Variants in MYO7A observed in about 807,000 individuals in gnomAD.
MYO7A encodes the protein unconventional myosin-VIIa.
MYO7A carries 210 observed loss-of-function variants against 263.8 expected under a neutral mutation model. The ratio of observed to expected loss-of-function variants is 0.80; its 90% CI spans 0.71 to 0.89. The LOEUF (loss-of-function observed/expected upper bound fraction) is 0.89, where lower values mean the gene tolerates loss of function less well. Ranked by LOEUF, MYO7A falls within the 40% of genes least tolerant of loss-of-function variation. The pLI, the probability that MYO7A is intolerant of heterozygous loss-of-function variation, is 0.00. For synonymous variants in MYO7A, 1,239 were observed against 1,197.3 expected, an observed-to-expected ratio of 1.03 and a Z score of -0.72; for missense variants, 2,820 against 2,968.3, an observed-to-expected ratio of 0.95 and a Z score of 1.16.
rs1952840557 is a variant in MYO7A at position 77,160,062 on chromosome 11, G to A, written c.1081-101G>A. The A allele has an allele frequency of 3.4e-6, 5 of 1,466,170 alleles. No homozygotes were observed. The South Asian group carries it at 6.8e-5, about 20-fold the overall frequency. The allele number at this position is 1,466,170 out of a possible 1,614,324, so 90.8% of individuals were successfully genotyped here. On this transcript the variant is annotated intron_variant, in intron 10 of 48. Transcript: ENST00000409709. ...GGGGCAGGCGTGCTTAGTGGAGGCAGTGGTCTGGGCCAGGCCAGTGCCGGA... is the reference window on the plus strand; with the variant it reads ...GGGGCAGGCGTGCTTAGTGGAGGCAATGGTCTGGGCCAGGCCAGTGCCGGA...
At position 77,181,451 on chromosome 11, in the gene MYO7A, G is replaced by A. The variant is rs782630041; in HGVS notation, c.2766G>A (p.Lys922=). ...ELKEKEAARR[K]KELLEQMERA... Reference sequence around the variant, plus strand: ...AGGAGAAGGAGGCCGCTCGGCGGAAGAAGGAGCTCCTGGAGCAGATGGAAA... The same window carrying A: ...AGGAGAAGGAGGCCGCTCGGCGGAAAAAGGAGCTCCTGGAGCAGATGGAAA... Residue 922 remains lysine, a synonymous_variant, in exon 23 of 49, where the codon AAG becomes AAA. Coordinates refer to ENST00000409709, the MANE Select transcript of MYO7A (RefSeq NM_000260.4). 2.5e-6 allele frequency: 4 copies of A among 1,609,026 alleles called. No homozygotes were observed. The highest frequency in any genetic ancestry group is 3.4e-6 in the Non-Finnish European group (4 of 1,178,216).
In MYO7A at chr11:77,189,079, C is replaced by T. The variant is rs77306777; in HGVS notation, c.3504-265C>T. Reference sequence around the variant, plus strand: ...CGGCTGCTGAGCCCAGAGCAGGATACGCACCACCCTGGATGGTGGGGCCCT... The same window carrying T: ...CGGCTGCTGAGCCCAGAGCAGGATATGCACCACCCTGGATGGTGGGGCCCT... On this transcript the variant is annotated intron_variant, in intron 27 of 48. Coordinates refer to ENST00000409709, the MANE Select transcript of MYO7A (RefSeq NM_000260.4). 6.4e-3 allele frequency among the ~76,000 whole-genome samples: 976 copies of T among 152,284 alleles called. 13 individuals carry two copies. The highest frequency in any genetic ancestry group is 0.021 in the African/African-American group (890 of 41,562).
At position 77,190,784 on chromosome 11, in the gene MYO7A, G is replaced by C. The variant is rs1259063378; in HGVS notation, c.3838G>C (p.Ala1280Pro). 2 of 1,596,522 alleles carry C rather than the reference G, an allele frequency of 1.3e-6. No individual in the cohort carries two copies. Among genetic ancestry groups the C allele is most frequent in the African/African-American group, 2.7e-5 (2 of 74,414 alleles). Residue 1280 changes from alanine to proline, a missense_variant, in exon 30 of 49, where the codon GCC becomes CCC. Ala to Pro is a conservative substitution (Grantham distance 27). Coordinates refer to ENST00000409709, the MANE Select transcript of MYO7A (RefSeq NM_000260.4). The stretch of plus-strand genomic sequence containing the variant: ...CCTGCTGACGGACTCGGCAACCACG[G>C]CCAAGGAGCTCTGCAACGCGCTGGC... Reference protein sequence around the residue: ...KTLLTDSATTAKELCNALADK... With the variant: ...KTLLTDSATTPKELCNALADK...
rs1555063195 is a variant in MYO7A at position 77,156,989 on chromosome 11, A to G, written c.720A>G (p.Ser240=). The change falls in exon 7 of 49, where the codon TCA becomes TCG. Residue 240 remains serine (S), a synonymous_variant. Transcript: ENST00000409709. ...AKIEQYLLEK[S]RVCRQALDER... ...TTGAGCAGTACCTGCTGGAAAAGTC[A>G]CGTGTCTGTCGCCAGGTGGGCCTGA... The G allele has an allele frequency of 6.2e-7, 1 of 1,613,368 alleles. No individual in the cohort carries two copies. The highest frequency in any genetic ancestry group is 1.1e-5 in the South Asian group (1 of 91,074).
intron 30 of MYO7A, 21 bp downstream of exon 30, chr11:77,190,891 C>CA: frequency 6.5e-7 from 1 of 1,528,340 alleles, no homozygotes; most frequent in South Asian, 1.2e-5. Flanking sequence ...CCGGAAGCAC[C>CA]TCCTCCCGGA....
intron 35 of MYO7A, 37 bp from the exon 36 acceptor site, chr11:77,201,411 C>T: frequency 1.9e-6 from 3 of 1,588,912 alleles, no homozygotes; most frequent in Non-Finnish European, 2.6e-6. Context: ...CTCAGCCTGT[C>T]TCTGCCCCCA....
In MYO7A at chr11:77,198,580, G is replaced by A. The variant is rs1956844960; in HGVS notation, c.4527G>A (p.Leu1509=). ...TGGATGAGCAGGAGCAGGTACTTCT[G>A]GAGCTGTCCTTCCCAGAGATCATGG... ...YFVDEQEQVL[L]ELSFPEIMAV... The change falls in exon 34 of 49, where the codon CTG becomes CTA. Residue 1509 remains leucine (L), a synonymous_variant. Coordinates refer to ENST00000409709, the MANE Select transcript of MYO7A (RefSeq NM_000260.4). 4.3e-6 allele frequency: 7 copies of A among 1,613,928 alleles called. No homozygotes were observed. The African/African-American group carries it at 9.3e-5, about 22-fold the overall frequency.
In MYO7A at chr11:77,203,216, T is replaced by G; in HGVS notation, c.5325T>G (p.Ile1775Met). Residue 1775 changes from isoleucine to methionine, a missense_variant and splice_region_variant, in exon 38 of 49, where the codon ATT (isoleucine) becomes ATG (methionine). Transcript: ENST00000409709. ...CGCAGGAGGCCTGCCTGGCCTTCAT[T>G]GATATCCGTGCCACTGGGCTGTGCC... ...ELSQEACLAF[I>M]AVLKYMGDYP... The G allele has an allele frequency of 6.4e-7, 1 of 1,552,922 alleles. No individual in the cohort carries two copies. The highest frequency in any genetic ancestry group is 8.7e-7 in the Non-Finnish European group (1 of 1,149,098).
intron 2 of MYO7A, among the ~76,000 whole-genome samples, chr11:77,132,284 T>C (rs1359555105): frequency 1.3e-5 from 2 of 151,984 alleles, no homozygotes; most frequent in Admixed American, 6.6e-5. Flanking sequence ...GGCTTCCTGA[T>C]GAGCCCTGGA....
intron 29 of MYO7A, 104 bp from the exon 30 acceptor site, chr11:77,190,593 T>C (rs1056269680): frequency 2.9e-4 from 345 of 1,200,434 alleles, no homozygotes; most frequent in Non-Finnish European, 3.5e-4. Flanking sequence ...GGGCCTGGGG[T>C]GCTGGGGCAC....
rs781913730 is a variant in MYO7A at position 77,156,940 on chromosome 11, G to A, written c.671G>A (p.Arg224Gln). Residue 224 changes from arginine (R) to glutamine (Q), a missense_variant, in exon 7 of 49, where the codon CGG becomes CAG. Physicochemically the swap from Arg to Gln is conservative, Grantham distance 43. Transcript: ENST00000409709. The stretch of plus-strand genomic sequence containing the variant: ...TACATCGACATCCACTTCAACAAGC[G>A]GGGCGCCATCGAGGGCGCGAAGATT... ...GKYIDIHFNK[R>Q]GAIEGAKIEQ... The A allele has an allele frequency of 1.6e-5, 26 of 1,613,856 alleles. No individual in the cohort carries two copies. Among genetic ancestry groups the A allele is most frequent in the Middle Eastern group, 1.6e-4 (1 of 6,084 alleles).
chr11:77,131,813 C>G (rs901112700), intron 2 of MYO7A, among the ~76,000 whole-genome samples: 3 of 152,328 alleles, frequency 2.0e-5, no homozygotes, highest in Non-Finnish European at 4.4e-5. Flanking sequence ...GAAGTACACT[C>G]AGCTCCTTCC....
At chr11:77,178,255 G>A (rs375916268) in intron 19 of MYO7A, among the ~76,000 whole-genome samples, 188 of 27,414 alleles carry the variant, frequency 6.9e-3, no homozygotes, top group African/African-American at 0.017. Flanking sequence ...CCATCCACCC[G>A]CCCACACACC....
chr11:77,134,052 C>A (rs964342811), intron 2 of MYO7A, among the ~76,000 whole-genome samples: 1 of 152,210 alleles, frequency 6.6e-6, no homozygotes, highest in African/African-American at 2.4e-5. Context: ...GCCTCAGCCT[C>A]CCAAGTAGCT....
At chr11:77,157,063 C>T (rs1376073645) in intron 7 of MYO7A, 59 bp downstream of exon 7, 20 of 1,576,174 alleles carry the variant, frequency 1.3e-5, no homozygotes, top group South Asian at 3.5e-5. Flanking sequence ...CAGGGGTCTG[C>T]GTGGCCCACC....
chr11:77,163,195 A>G (rs1273944697), intron 14 of MYO7A, among the ~76,000 whole-genome samples: 2 of 152,046 alleles, frequency 1.3e-5, no homozygotes, highest in Non-Finnish European at 2.9e-5. Context: ...CAGTACTGCT[A>G]TCTATTTCCA....
chr11:77,144,408 G>A (rs12799154), intron 3 of MYO7A, among the ~76,000 whole-genome samples: 13,463 of 152,208 alleles, frequency 0.088, 715 homozygotes, highest in Middle Eastern at 0.23. Flanking sequence ...ATGTCAGATG[G>A]TGTCCCGTAA....
In MYO7A at chr11:77,207,340, G is replaced by C; in HGVS notation, c.5794G>C (p.Ala1932Pro). The change falls in exon 42 of 49, where the codon GCC (alanine) becomes CCC (proline). Residue 1932 changes from alanine (A) to proline (P), a missense_variant. Physicochemically the swap from Ala to Pro is conservative, Grantham distance 27 (BLOSUM62 -1). Coordinates refer to ENST00000409709, the MANE Select transcript of MYO7A (RefSeq NM_000260.4). ...GGCCAAGGACTTCTGCCAGAACATCGCCACCAGGCTGCTCCTCAAGTCCTC... is the reference window on the plus strand; with the variant it reads ...GGCCAAGGACTTCTGCCAGAACATCCCCACCAGGCTGCTCCTCAAGTCCTC... ...TKAKDFCQNI[A>P]TRLLLKSSEG... The C allele has an allele frequency of 6.2e-7, 1 of 1,612,722 alleles. No homozygotes were observed. Among genetic ancestry groups the C allele is most frequent in the Middle Eastern group, 1.6e-4 (1 of 6,062 alleles).
chr11:77,202,461 T>A (rs1957132453), intron 37 of MYO7A, 37 bp downstream of exon 37: 1 of 1,542,994 alleles, frequency 6.5e-7, no homozygotes, highest in Non-Finnish European at 8.8e-7. Context: ...GCCACAGGGC[T>A]AGGAGCTGCA....
Sources: gnomAD v4.1 joint callset for allele counts (sites outside exome capture counted in the v4.1 genomes callset) on GRCh38, gnomAD v4.1.1 for gene constraint, MANE v1.5 for transcripts, NCBI Gene and HGNC (gene_info 2026-07-23, HGNC 2026-07-21) for gene names.